Variants in STK32C observed in about 807,000 individuals in gnomAD.
STK32C encodes the protein serine/threonine kinase 32C.
Under a neutral mutation model 56.5 loss-of-function variants are expected in STK32C, and 31 were observed. The observed-to-expected ratio is 0.55, with a 90% CI of 0.41 to 0.74. The LOEUF (loss-of-function observed/expected upper bound fraction) is 0.74, where lower values mean the gene tolerates loss of function less well. Ranked by LOEUF, STK32C falls within the 30% of genes least tolerant of loss-of-function variation. The pLI is 0.00. For missense variants in STK32C, 544 were observed against 676.9 expected, an observed-to-expected ratio of 0.80 and a Z score of 2.18; for synonymous variants, 309 against 289.4, an observed-to-expected ratio of 1.07 and a Z score of -0.69.
At chr10:132,297,418 G>T (rs1214348784) in intron 1 of STK32C, among the ~76,000 whole-genome samples, 2 of 152,190 alleles carry the variant, frequency 1.3e-5, no homozygotes, top group African/African-American at 4.8e-5. Context: ...ACAATTCCCA[G>T]CCCCACCAGG....
intron 1 of STK32C, among the ~76,000 whole-genome samples, chr10:132,328,093 GCAA>G (rs2066535878): frequency 6.6e-6 from 1 of 152,216 alleles, no homozygotes; most frequent in Non-Finnish European, 1.5e-5. Context: ...CAGGGGAATT[GCAA>G]TGGAGAAAGA....
chr10:132,289,351 C>T (rs553106412), intron 1 of STK32C, among the ~76,000 whole-genome samples: 4 of 152,124 alleles, frequency 2.6e-5, no homozygotes, highest in Non-Finnish European at 5.9e-5. Flanking sequence ...CAAAAGAGAC[C>T]GCTGAGAAAA....
At chr10:132,210,817 C>A (rs978555758) in intron 10 of STK32C, among the ~76,000 whole-genome samples, 1 of 152,334 alleles carries the variant, frequency 6.6e-6, no homozygotes, top group East Asian at 1.9e-4. Context: ...CAGTGCCCTC[C>A]GTGTCTCTCC....
chr10:132,209,170 A>G (rs1250737212), intron 10 of STK32C, 69 bp from the exon 11 acceptor site: 2 of 1,436,724 alleles, frequency 1.4e-6, no homozygotes, highest in Non-Finnish European at 9.8e-7. Flanking sequence ...CCCTCAAGTG[A>G]GTGTCTGGGC....
chr10:132,298,631 CCGGGGAGT>C (rs2065825862), intron 1 of STK32C, among the ~76,000 whole-genome samples: 4 of 151,430 alleles, frequency 2.6e-5, no homozygotes, highest in African/African-American at 7.3e-5. Flanking sequence ...TGTGGGGTCA[CCGGGGAGT>C]TGAGCGCCGT....
chr10:132,272,120 C>G (rs529995264), intron 1 of STK32C, among the ~76,000 whole-genome samples: 1 of 152,236 alleles, frequency 6.6e-6, no homozygotes, highest in East Asian at 1.9e-4. Context: ...CCTGACCCCT[C>G]GTGCCTCCGA....
At chr10:132,238,031 C>G (rs906626929) in intron 2 of STK32C, among the ~76,000 whole-genome samples, 2 of 152,152 alleles carry the variant, frequency 1.3e-5, no homozygotes, top group African/African-American at 4.8e-5. Flanking sequence ...CCCTGACCCT[C>G]CCAGAGAAAA....
At chr10:132,259,770 A>T (rs2064243794) in intron 1 of STK32C, among the ~76,000 whole-genome samples, 1 of 152,210 alleles carries the variant, frequency 6.6e-6, no homozygotes, top group Non-Finnish European at 1.5e-5. Flanking sequence ...ACGGACTAAT[A>T]ACCACCATCT....
Position 132,225,751 on chromosome 10 carries a change from C to G in STK32C, c.678G>C (p.Glu226Asp), listed in dbSNP as rs753087591. 6.2e-7 allele frequency: 1 copy of G among 1,614,170 alleles called. No individual in the cohort carries two copies. The highest frequency in any genetic ancestry group is 8.5e-7 in the Non-Finnish European group (1 of 1,180,020). The change falls in exon 5 of 12, where the codon GAG becomes GAC. Residue 226 changes from glutamate (E) to aspartate (D), a missense_variant. Physicochemically the swap from Glu to Asp is conservative, Grantham distance 45. This residue lies in a region of STK32C where 85 missense variants were observed against 149.9 expected (regional missense o/e 0.57). Coordinates refer to ENST00000298630, the MANE Select transcript of STK32C (RefSeq NM_173575.4). ...DVKPDNILLDERGHAHLTDFN... is the reference protein window; with the variant it reads ...DVKPDNILLDDRGHAHLTDFN... ...CCCACACCCAACCCCACACACCTCTCTCATCCAGGAGAATGTTGTCAGGCT... is the reference window on the plus strand; with the variant it reads ...CCCACACCCAACCCCACACACCTCTGTCATCCAGGAGAATGTTGTCAGGCT...
intron 1 of STK32C, among the ~76,000 whole-genome samples, chr10:132,276,334 C>T (rs924802971): frequency 6.6e-6 from 1 of 152,204 alleles, no homozygotes. Flanking sequence ...CACCAGCCAT[C>T]CCACAGACCT....
At chr10:132,240,264 C>G (rs1036432327) in intron 2 of STK32C, among the ~76,000 whole-genome samples, 1 of 152,228 alleles carries the variant, frequency 6.6e-6, no homozygotes, top group African/African-American at 2.4e-5. Context: ...CGAGTCCCCC[C>G]GATGGATGAG....
intron 1 of STK32C, among the ~76,000 whole-genome samples, chr10:132,261,431 G>C (rs1209230095): frequency 1.3e-5 from 2 of 152,176 alleles, no homozygotes; most frequent in Non-Finnish European, 2.9e-5. Flanking sequence ...TAACCAAGGA[G>C]ATGAAAGAGC....
At chr10:132,327,463 ATTT>A (rs975396489) in intron 1 of STK32C, among the ~76,000 whole-genome samples, 1 of 152,012 alleles carries the variant, frequency 6.6e-6, no homozygotes, top group Non-Finnish European at 1.5e-5. Context: ...ACAATAGGTA[ATTT>A]TTATTTAAAA....
intron 1 of STK32C, among the ~76,000 whole-genome samples, chr10:132,270,058 C>T (rs1464263394): frequency 2.6e-5 from 4 of 152,232 alleles, no homozygotes; most frequent in Non-Finnish European, 4.4e-5. Context: ...CTTGGGACAG[C>T]GTCCCCTCAA....
rs2066127815 is a variant in STK32C at position 132,307,866 on chromosome 10, T to TCGGGGCATGGCCGGCCGG, written c.-51_-34dup. ...TCTGGGTGCGCGCGGCAGCCGGAAC[T>TCGGGGCATGGCCGGCCGG]CGGGGCATGGCCGGCCGGCAGGGCC... On this transcript the variant is annotated 5_prime_UTR_variant, in exon 1 of 12. In the 5' UTR this introduces an upstream ATG that the reference lacks. Transcript: ENST00000298630. This position sits in a 1 kb window ranked among gnomAD's most constrained non-coding sequence, Gnocchi z 4.4. The TCGGGGCATGGCCGGCCGG allele has an allele frequency of 1.7e-6, 2 of 1,145,922 alleles. No individual in the cohort carries two copies. The highest frequency in any genetic ancestry group is 3.4e-5 in the African/African-American group (2 of 58,162). The allele number at this position is 1,145,922 out of a possible 1,614,324, so 71.0% of individuals were successfully genotyped here.
At chr10:132,238,803 T>C (rs572452698) in intron 2 of STK32C, among the ~76,000 whole-genome samples, 57 of 151,920 alleles carry the variant, frequency 3.8e-4, no homozygotes, top group Middle Eastern at 3.4e-3. Context: ...ACATACCACA[T>C]ACACACATGC....
chr10:132,324,486 A>G, intron 1 of STK32C: 2 of 610,538 alleles, frequency 3.3e-6, no homozygotes, highest in South Asian at 2.0e-5. Flanking sequence ...GGCACAGCAG[A>G]GCAGAAATGG....
rs769214334 is a variant in STK32C at position 132,245,948 on chromosome 10, G to A, written c.270C>T (p.Phe90=). ...PVFDDKEDVN[F]DHFQILRAIG... ...TGGCCCGAAGGATCTGGAAGTGGTC[G>A]AAGTTCACTGCAGGATAAAACAGAG... is the stretch of plus-strand genomic sequence containing the variant. The change falls in exon 2 of 12, where the codon TTC becomes TTT. Residue 90 remains phenylalanine, a synonymous_variant. Coordinates refer to ENST00000298630, the MANE Select transcript of STK32C (RefSeq NM_173575.4). 21 of 1,613,432 alleles carry A rather than the reference G, an allele frequency of 1.3e-5. No homozygotes were observed. The highest frequency in any genetic ancestry group is 1.2e-4 in the African/African-American group (9 of 74,918).
chr10:132,303,325 A>G (rs1564792885), intron 1 of STK32C, among the ~76,000 whole-genome samples: 1 of 152,274 alleles, frequency 6.6e-6, no homozygotes, highest in Non-Finnish European at 1.5e-5. Flanking sequence ...GAAGCGCTAG[A>G]AGAAAGTACA....
Sources: gnomAD v4.1 joint callset for allele counts (sites outside exome capture counted in the v4.1 genomes callset) on GRCh38, gnomAD v4.1.1 for gene constraint, gnomAD v4.1.1 regional missense constraint, Gnocchi (gnomAD v3.1) non-coding constraint, MANE v1.5 for transcripts, NCBI Gene and HGNC (gene_info 2026-07-23, HGNC 2026-07-21) for gene names.